BLTP1: variants seen among roughly 807,000 people sequenced by gnomAD.
The protein encoded by BLTP1 is bridge-like lipid transfer protein family member 1, also known as fragile site-associated protein.
chr4:122,156,958 A>C, the BLTP1 span, among the ~76,000 whole-genome samples: 1 of 152,336 alleles, frequency 6.6e-6, no homozygotes, highest in East Asian at 1.9e-4. Context: ...TACAAAGTTT[A>C]TGCAGGAGAC....
chr4:122,183,616 GT>G, the BLTP1 span: 1 of 684,054 alleles, frequency 1.5e-6, no homozygotes, highest in Non-Finnish European at 1.8e-6. Context: ...GCAGACCTAG[GT>G]TTTTGCTTTG....
the BLTP1 span, among the ~76,000 whole-genome samples, chr4:122,269,975 A>T: frequency 1.3e-5 from 2 of 151,834 alleles, no homozygotes; most frequent in African/African-American, 2.4e-5. Flanking sequence ...CCTCTTTAAG[A>T]TTTTCTTACT....
chr4:122,254,590 T>G, the BLTP1 span: 1 of 923,984 alleles, frequency 1.1e-6, no homozygotes, highest in East Asian at 1.2e-4. Context: ...TTGTTTACTC[T>G]TTTTATCTCT....
chr4:122,291,159 C>T, the BLTP1 span, among the ~76,000 whole-genome samples: 1 of 152,136 alleles, frequency 6.6e-6, no homozygotes, highest in Non-Finnish European at 1.5e-5. Context: ...TTGCTGTTTA[C>T]TGTGAGAGAA....
chr4:122,315,045 C>T, the BLTP1 span, among the ~76,000 whole-genome samples: 1 of 152,138 alleles, frequency 6.6e-6, no homozygotes, highest in Non-Finnish European at 1.5e-5. Flanking sequence ...TGGCAAGAAA[C>T]ACAGTGGAGT....
the BLTP1 span, chr4:122,298,312 C>CT: frequency 5.0e-6 from 3 of 597,500 alleles, no homozygotes; most frequent in Non-Finnish European, 6.3e-6. Context: ...ATGCTCTTGC[C>CT]TATAGAGCCA....
At chr4:122,313,457 A>C in the BLTP1 span, 1 of 154,836 alleles carries the variant, frequency 6.5e-6, no homozygotes, top group East Asian at 1.9e-4. Context: ...AATCGATCTT[A>C]TGAGTCATTA....
chr4:122,265,919 G>C, the BLTP1 span, among the ~76,000 whole-genome samples: 2 of 152,110 alleles, frequency 1.3e-5, no homozygotes, highest in Non-Finnish European at 2.9e-5. Flanking sequence ...GGATGGTCTC[G>C]ATCTGACCTC....
chr4:122,229,698 T>C, the BLTP1 span: 2 of 962,116 alleles, frequency 2.1e-6, no homozygotes, highest in East Asian at 1.2e-4. Flanking sequence ...TTTCTGCTTT[T>C]TTCCTTTTCT....
chr4:122,192,648 AT>A, the BLTP1 span, among the ~76,000 whole-genome samples: 247 of 150,432 alleles, frequency 1.6e-3, 2 homozygotes, highest in African/African-American at 5.3e-3. Flanking sequence ...TTGTTGGTTC[AT>A]TTTTTTTTCT....
the BLTP1 span, chr4:122,247,824 A>G: frequency 5.1e-6 from 5 of 988,782 alleles, no homozygotes; most frequent in African/African-American, 8.7e-5. Context: ...CTAGTTAGGT[A>G]AAAGGAAAGT....
At chr4:122,209,843 G>A in the BLTP1 span, 1 of 1,613,518 alleles carries the variant, frequency 6.2e-7, no homozygotes. Context: ...ATGCTGGACT[G>A]TCCCAAGTGT....
chr4:122,261,951 T>G, the BLTP1 span: 1 of 985,420 alleles, frequency 1.0e-6, no homozygotes, highest in Non-Finnish European at 1.2e-6. Flanking sequence ...ATTTAAGGGC[T>G]TCACAGCACT....
chr4:122,164,513 A>C, the BLTP1 span: 3 of 672,622 alleles, frequency 4.5e-6, no homozygotes, highest in Non-Finnish European at 5.5e-6. Flanking sequence ...ACTGTGTTCT[A>C]TTAAGAGGCT....
At chr4:122,152,795 A>G in the BLTP1 span, among the ~76,000 whole-genome samples, 1 of 152,174 alleles carries the variant, frequency 6.6e-6, no homozygotes, top group African/African-American at 2.4e-5. Flanking sequence ...TGGAAGGGCC[A>G]TGGCAGTCGG....
chr4:122,317,434 C>T, the BLTP1 span, among the ~76,000 whole-genome samples: 1 of 152,080 alleles, frequency 6.6e-6, no homozygotes, highest in East Asian at 1.9e-4. Flanking sequence ...TGTATCTTTA[C>T]ATGTGTATTT....
the BLTP1 span, chr4:122,273,483 A>G: frequency 1.0e-6 from 1 of 960,850 alleles, no homozygotes; most frequent in Non-Finnish European, 1.2e-6. Context: ...GTCTAAGTTG[A>G]TATTTAAAAA....
chr4:122,214,593 A>AT, the BLTP1 span: 8,463 of 341,900 alleles, frequency 0.025, 21 homozygotes, highest in African/African-American at 0.042. Flanking sequence ...TTTGGTAACT[A>AT]TTTTTTTTTT....
chr4:122,197,308 AT>A, the BLTP1 span: 1 of 1,311,218 alleles, frequency 7.6e-7, no homozygotes, highest in South Asian at 1.7e-5. Context: ...TTTTTAAATA[AT>A]TAGGGAAATA....
Sources: allele counts gnomAD v4.1 joint callset (sites outside exome capture counted in the v4.1 genomes callset), GRCh38; gene constraint gnomAD v4.1.1; transcripts MANE v1.5; gene names NCBI Gene and HGNC (gene_info 2026-07-23, HGNC 2026-07-21).